Variants in STXBP5L observed in about 807,000 individuals in gnomAD.
The protein encoded by STXBP5L is syntaxin binding protein 5L.
In STXBP5L, 65 loss-of-function variants were observed where a neutral mutation model predicts 144.5. The ratio of observed to expected loss-of-function variants is 0.45; its 90% CI spans 0.37 to 0.55. The LOEUF (loss-of-function observed/expected upper bound fraction) is 0.55, where lower values mean the gene tolerates loss of function less well. Among genes scored for constraint, STXBP5L ranks in the 20% least tolerant of loss-of-function variants. STXBP5L has a pLI of 0.00. For synonymous variants in STXBP5L, 505 were observed against 469.6 expected (o/e 1.08, Z -0.97); for missense variants, 1,298 against 1,405.5 (o/e 0.92, Z 1.22).
At chr3:121,316,146 A>G (rs943867217) in intron 19 of STXBP5L, among the ~76,000 whole-genome samples, 7 of 152,206 alleles carry the variant, frequency 4.6e-5, no homozygotes, top group Admixed American at 4.6e-4. Flanking sequence ...TTTTTAAATA[A>G]TGATTGTTCT....
At chr3:121,133,619 A>G (rs888560636) in intron 7 of STXBP5L, among the ~76,000 whole-genome samples, 15 of 152,338 alleles carry the variant, frequency 9.8e-5, no homozygotes, top group African/African-American at 3.6e-4. Context: ...TTTGACTCGC[A>G]AGAAATGCTA....
intron 3 of STXBP5L, among the ~76,000 whole-genome samples, chr3:121,039,991 G>T (rs1419056526): frequency 1.3e-5 from 2 of 151,900 alleles, no homozygotes; most frequent in East Asian, 1.9e-4. Context: ...TCTATCTTCT[G>T]TATATCTACT....
At chr3:121,118,234 T>C (rs907751943) in intron 6 of STXBP5L, among the ~76,000 whole-genome samples, 1 of 151,706 alleles carries the variant, frequency 6.6e-6, no homozygotes, top group Non-Finnish European at 1.5e-5. Flanking sequence ...TAATATAATA[T>C]GGCAATTCCA....
intron 22 of STXBP5L, among the ~76,000 whole-genome samples, chr3:121,398,214 A>T (rs905031998): frequency 6.6e-6 from 1 of 152,180 alleles, no homozygotes; most frequent in Non-Finnish European, 1.5e-5. Context: ...TCCTGTATGT[A>T]TTTGTACCCG....
chr3:120,962,635 T>C (rs1938996279), intron 3 of STXBP5L, among the ~76,000 whole-genome samples: 1 of 152,212 alleles, frequency 6.6e-6, no homozygotes, highest in Non-Finnish European at 1.5e-5. Context: ...CATTGATCTA[T>C]ATCTCTGTTT....
At chr3:121,065,537 G>A (rs971664891) in intron 5 of STXBP5L, among the ~76,000 whole-genome samples, 1 of 152,070 alleles carries the variant, frequency 6.6e-6, no homozygotes, top group Non-Finnish European at 1.5e-5. Flanking sequence ...CAGTGGGTTA[G>A]GAGACTAGTC....
At position 121,209,170 on chromosome 3, in the gene STXBP5L, A is replaced by G. The variant is rs776528947; in HGVS notation, c.956+3169A>G. 1.4e-4 allele frequency among the ~76,000 whole-genome samples: 21 copies of G among 152,136 alleles called. No individual in the cohort carries two copies. The South Asian group carries it at 1.7e-3, about 12-fold the overall frequency. On this transcript the variant is annotated intron_variant, in intron 10 of 26. Transcript: ENST00000471454. Reference sequence around the variant, plus strand: ...CTACATTTTCGTTATCCAATCTATCATTGATGGGCATTTGGGTTGGTTCCA... The same window carrying G: ...CTACATTTTCGTTATCCAATCTATCGTTGATGGGCATTTGGGTTGGTTCCA...
At chr3:121,023,241 C>G (rs1469832287) in intron 3 of STXBP5L, among the ~76,000 whole-genome samples, 1 of 151,912 alleles carries the variant, frequency 6.6e-6, no homozygotes. Context: ...TGAAAGAAAT[C>G]AGATGATGCA....
chr3:121,120,137 A>G (rs1293519059), intron 6 of STXBP5L, among the ~76,000 whole-genome samples: 3 of 151,332 alleles, frequency 2.0e-5, no homozygotes, highest in African/African-American at 4.8e-5. Flanking sequence ...AGGGTTTCCC[A>G]AAGTTTTAAA....
intron 2 of STXBP5L, among the ~76,000 whole-genome samples, chr3:120,952,544 G>A (rs1013316951): frequency 3.3e-5 from 5 of 151,744 alleles, no homozygotes; most frequent in Non-Finnish European, 7.4e-5. Flanking sequence ...CCTCATAAAA[G>A]CCTTTATTAT....
At chr3:121,350,035 TG>T (rs1230170030) in intron 20 of STXBP5L, among the ~76,000 whole-genome samples, 1 of 152,186 alleles carries the variant, frequency 6.6e-6, no homozygotes, top group East Asian at 1.9e-4. Flanking sequence ...TGTTAGTTGA[TG>T]CAGTTTCTCC....
At chr3:120,908,928 C>T (rs1343988729) in intron 1 of STXBP5L, among the ~76,000 whole-genome samples, 2 of 151,888 alleles carry the variant, frequency 1.3e-5, no homozygotes, top group East Asian at 1.9e-4. Flanking sequence ...CCTCCTCCCC[C>T]CCTCCCCGGC....
intron 22 of STXBP5L, among the ~76,000 whole-genome samples, chr3:121,392,308 A>G (rs1439765417): frequency 6.6e-6 from 1 of 152,162 alleles, no homozygotes; most frequent in Non-Finnish European, 1.5e-5. Flanking sequence ...AGTCAGTCAT[A>G]GCTTCCCTTG....
chr3:121,366,026 G>A (rs2108648702), intron 20 of STXBP5L, among the ~76,000 whole-genome samples: 1 of 151,820 alleles, frequency 6.6e-6, no homozygotes, highest in South Asian at 2.1e-4. Flanking sequence ...TTGATCCATT[G>A]GTTAAGAGAG....
chr3:121,207,916 A>G (rs981299412), intron 10 of STXBP5L, among the ~76,000 whole-genome samples: 1 of 152,178 alleles, frequency 6.6e-6, no homozygotes, highest in Non-Finnish European at 1.5e-5. Context: ...ATTGTGGAAG[A>G]CAGTGTGGCG....
chr3:121,224,527 T>A lies in STXBP5L; in HGVS notation c.1111+1370T>A, dbSNP rs190210525. Among the ~76,000 whole-genome samples the A allele has an allele frequency of 4.6e-3, 700 of 152,286 alleles. 6 individuals are homozygous for A. The highest frequency in any genetic ancestry group is 0.016 in the African/African-American group (661 of 41,574). On this transcript the variant is annotated intron_variant, in intron 11 of 26. Transcript: ENST00000471454. ...CTCTGATGTCAAATTGCATAAAATC[T>A]GGTCAGATGAGTGAGATTATTATGA...
At chr3:121,185,325 G>T (rs997978836) in intron 9 of STXBP5L, among the ~76,000 whole-genome samples, 2 of 152,080 alleles carry the variant, frequency 1.3e-5, no homozygotes, top group African/African-American at 4.8e-5. Flanking sequence ...GTCAATTTTG[G>T]CTTTTATTGC....
chr3:120,926,605 C>T (rs1226417336), intron 2 of STXBP5L, among the ~76,000 whole-genome samples: 4 of 151,988 alleles, frequency 2.6e-5, no homozygotes, highest in African/African-American at 9.7e-5. Context: ...AGAAAGTTTT[C>T]TGTTATTATT....
At chr3:121,039,076 GGT>G (rs1392374676) in intron 3 of STXBP5L, among the ~76,000 whole-genome samples, 1 of 151,666 alleles carries the variant, frequency 6.6e-6, no homozygotes, top group Admixed American at 6.6e-5. Context: ...TTTTAAATGG[GGT>G]GTTTACACTG....
Sources: allele counts gnomAD v4.1 joint callset (sites outside exome capture counted in the v4.1 genomes callset), GRCh38; gene constraint gnomAD v4.1.1; transcripts MANE v1.5; gene names NCBI Gene and HGNC (gene_info 2026-07-23, HGNC 2026-07-21).